PTK7: variants seen among roughly 807,000 people sequenced by gnomAD.
PTK7 encodes inactive tyrosine-protein kinase 7.
Under a neutral mutation model 116.6 loss-of-function variants are expected in PTK7, and 39 were observed. That is an observed-to-expected ratio of 0.33 (90% CI 0.26 to 0.44). The LOEUF is 0.44. PTK7 is among the 20% of genes least tolerant of loss of function. The pLI, the probability that PTK7 is intolerant of heterozygous loss-of-function variation, is 1.00. For synonymous variants in PTK7, 546 were observed against 563.6 expected (o/e 0.97, Z 0.44); for missense variants, 1,169 against 1,425.6 (o/e 0.82, Z 2.90).
At chr6:43,080,049 C>CAAAA (rs1173188904) in intron 1 of PTK7, among the ~76,000 whole-genome samples, 20 of 56,810 alleles carry the variant, frequency 3.5e-4, no homozygotes, top group South Asian at 5.9e-4. Context: ...TGACAGAGTT[C>CAAAA]AAAAAAAAAA....
Position 43,130,557 on chromosome 6 carries a change from A to G in PTK7, c.708A>G (p.Val236=), listed in dbSNP as rs56350986. 3.8e-4 allele frequency: 606 copies of G among 1,614,150 alleles called. 3 individuals carry two copies. The East Asian group carries it at 0.012, about 32-fold the overall frequency. Reference sequence around the variant, plus strand: ...TGCTGGCACCCCAGGACGTGGTAGTAGCGAGGTATGAGGAGGCCATGTTCC... The same window carrying G: ...TGCTGGCACCCCAGGACGTGGTAGTGGCGAGGTATGAGGAGGCCATGTTCC... ...RVVLAPQDVV[V]ARYEEAMFHC... The change falls in exon 5 of 20, where the codon GTA becomes GTG. Residue 236 remains valine, a synonymous_variant. Coordinates refer to ENST00000230419, the MANE Select transcript of PTK7 (RefSeq NM_002821.5).
chr6:43,132,147 CCA>C lies in PTK7; in HGVS notation c.948_949del (p.Leu317SerfsTer6). 6.2e-7 allele frequency: 1 copy of C among 1,610,652 alleles called. No homozygotes were observed. The highest frequency in any genetic ancestry group is 8.5e-7 in the Non-Finnish European group (1 of 1,177,380). ...AGGGGCCCACCCATCATCCTGGAAG[CCA>C]CACTTCACCTAGCAGGTGAGTCTCT... On this transcript the variant is annotated frameshift_variant, in exon 6 of 20. Transcript: ENST00000230419. LOFTEE classifies it high-confidence loss of function.
At chr6:43,159,728 G>A in intron 18 of PTK7, 60 bp from the exon 19 acceptor site, 1 of 1,554,120 alleles carries the variant, frequency 6.4e-7, no homozygotes, top group Non-Finnish European at 8.9e-7. Flanking sequence ...GGGAGATGAG[G>A]GTGCAGCGCC....
At chr6:43,147,232 C>T (rs1381419132) in intron 17 of PTK7, among the ~76,000 whole-genome samples, 2 of 152,248 alleles carry the variant, frequency 1.3e-5, no homozygotes, top group Non-Finnish European at 2.9e-5. Context: ...TTCCAGTTTT[C>T]CTCCTGCCTT....
chr6:43,104,024 C>A (rs902420840), intron 1 of PTK7, among the ~76,000 whole-genome samples: 1 of 152,212 alleles, frequency 6.6e-6, no homozygotes, highest in African/African-American at 2.4e-5. Flanking sequence ...CAGGAACCTT[C>A]ACTGTCTTGT....
chr6:43,101,225 A>AG (rs1554148827), intron 1 of PTK7, among the ~76,000 whole-genome samples: 21 of 146,256 alleles, frequency 1.4e-4, no homozygotes, highest in Non-Finnish European at 2.2e-4. Flanking sequence ...CAAAAAAAAA[A>AG]AAAGAAAGAA....
intron 1 of PTK7, among the ~76,000 whole-genome samples, chr6:43,117,126 C>T (rs944386726): frequency 7.9e-5 from 12 of 152,120 alleles, no homozygotes; most frequent in Non-Finnish European, 1.8e-4. Flanking sequence ...CCATGCCCAC[C>T]GTAGACTTCA....
chr6:43,136,125 C>T (rs1561971379), intron 7 of PTK7, among the ~76,000 whole-genome samples: 1 of 151,866 alleles, frequency 6.6e-6, no homozygotes, highest in Non-Finnish European at 1.5e-5. Flanking sequence ...CACTGCACTC[C>T]AGCCTGGGCG....
chr6:43,135,405 C>T (rs950827118), intron 7 of PTK7, among the ~76,000 whole-genome samples: 4 of 152,208 alleles, frequency 2.6e-5, no homozygotes, highest in African/African-American at 9.6e-5. Flanking sequence ...AGTTCATATT[C>T]TAACAGCGGG....
At chr6:43,152,373 T>C (rs1044772873) in intron 17 of PTK7, among the ~76,000 whole-genome samples, 1 of 152,162 alleles carries the variant, frequency 6.6e-6, no homozygotes, top group Non-Finnish European at 1.5e-5. Flanking sequence ...CTACTAAAAA[T>C]ACAAAAATTA....
At chr6:43,109,516 A>G (rs1270884110) in intron 1 of PTK7, among the ~76,000 whole-genome samples, 2 of 152,266 alleles carry the variant, frequency 1.3e-5, no homozygotes, top group African/African-American at 2.4e-5. Flanking sequence ...CATTAGTACA[A>G]TATTACCAAA....
intron 1 of PTK7, chr6:43,077,002 T>C (rs1351330263): frequency 1.4e-6 from 2 of 1,455,202 alleles, no homozygotes; most frequent in Non-Finnish European, 1.8e-6. Context: ...AGTTGCTGGT[T>C]TGGGGCCCGA....
Position 43,132,699 on chromosome 6 carries a change from T to C in PTK7, c.1228+12T>C, listed in dbSNP as rs374966843. 1,244 of 1,556,004 alleles carry C rather than the reference T, an allele frequency of 8.0e-4. 11 individuals carry two copies. The highest frequency in any genetic ancestry group is 8.3e-5 in the Non-Finnish European group (96 of 1,149,702). ...CATCACTGTGGCCAGTGAGCACCTTTGCCCTGAAGGTCAAGGAGAGGTGGA... is the reference window on the plus strand; with the variant it reads ...CATCACTGTGGCCAGTGAGCACCTTCGCCCTGAAGGTCAAGGAGAGGTGGA... On this transcript the variant is annotated intron_variant, in intron 7 of 19. Transcript: ENST00000230419.
chr6:43,083,347 G>C (rs1331066158), intron 1 of PTK7, among the ~76,000 whole-genome samples: 2 of 152,204 alleles, frequency 1.3e-5, no homozygotes, highest in Non-Finnish European at 2.9e-5. Flanking sequence ...CCCTTCTCCT[G>C]ATTCCTGCTC....
At chr6:43,100,913 G>A (rs568438965) in intron 1 of PTK7, among the ~76,000 whole-genome samples, 85 of 152,322 alleles carry the variant, frequency 5.6e-4, no homozygotes, top group Non-Finnish European at 7.9e-4. Flanking sequence ...TGACTGGATA[G>A]ACAGTAACTC....
At chr6:43,155,770 CT>C (rs1771390089) in intron 17 of PTK7, among the ~76,000 whole-genome samples, 1 of 152,100 alleles carries the variant, frequency 6.6e-6, no homozygotes, top group African/African-American at 2.4e-5. Flanking sequence ...AACTCTTTCA[CT>C]TTGGAAAAGA....
intron 17 of PTK7, among the ~76,000 whole-genome samples, chr6:43,147,420 T>G (rs561703703): frequency 3.3e-5 from 5 of 152,370 alleles, no homozygotes; most frequent in Admixed American, 3.3e-4. Context: ...CCTCAGGTTC[T>G]TCTTGCCCAC....
chr6:43,130,444 G>A (rs77231564), intron 4 of PTK7, 24 bp downstream of exon 4: 93,125 of 1,603,996 alleles, frequency 0.058, 2,953 homozygotes, highest in African/African-American at 0.08. Flanking sequence ...GGGGGCGGAA[G>A]GGATGAGGTG....
At chr6:43,144,120 T>G (rs1770587009) in intron 14 of PTK7, among the ~76,000 whole-genome samples, 1 of 152,190 alleles carries the variant, frequency 6.6e-6, no homozygotes, top group East Asian at 1.9e-4. Context: ...TGTTTAGGGC[T>G]TTGCCCAATA....
Sources: allele counts gnomAD v4.1 joint callset (sites outside exome capture counted in the v4.1 genomes callset), GRCh38; gene constraint gnomAD v4.1.1; transcripts MANE v1.5; gene names NCBI Gene and HGNC (gene_info 2026-07-23, HGNC 2026-07-21).